WWOX: variants seen among roughly 807,000 people sequenced by gnomAD.
WWOX encodes the protein WW domain-containing oxidoreductase.
In WWOX, 69 loss-of-function variants were observed where a neutral mutation model predicts 46.2. The observed-to-expected ratio is 1.49, with a 90% CI of 1.23 to 1.82. The LOEUF (loss-of-function observed/expected upper bound fraction) is 1.82, where lower values mean the gene tolerates loss of function less well. Ranked by LOEUF, WWOX falls within the 40% of genes most tolerant of loss-of-function variation. The pLI, the probability that WWOX is intolerant of heterozygous loss-of-function variation, is 0.00. For synonymous variants in WWOX, 359 were observed against 202.6 expected (o/e 1.77, Z -6.56); for missense variants, 919 against 542.6 (o/e 1.69, Z -6.89).
rs530818380 is a variant in WWOX at position 78,361,313 on chromosome 16, G to C, written c.517-25547G>C. Among the ~76,000 whole-genome samples, 3 of 152,014 alleles carry C rather than the reference G, an allele frequency of 2.0e-5. No homozygotes were observed. In the East Asian group the frequency reaches 5.8e-4, roughly 29 times the overall value. Reference sequence around the variant, plus strand: ...CATAATGTTGATCTGTCTCATCCCTGGTAATGTTAACCTTGATCACTTGGT... The same window carrying C: ...CATAATGTTGATCTGTCTCATCCCTCGTAATGTTAACCTTGATCACTTGGT... On this transcript the variant is annotated intron_variant, in intron 5 of 8. Transcript: ENST00000566780.
intron 8 of WWOX, among the ~76,000 whole-genome samples, chr16:78,717,752 C>T (rs2048597577): frequency 6.6e-6 from 1 of 152,144 alleles, no homozygotes; most frequent in Non-Finnish European, 1.5e-5. Flanking sequence ...TCTGATGGAT[C>T]TAATCGAGGA....
chr16:78,281,212 G>T (rs2079672729), intron 5 of WWOX, among the ~76,000 whole-genome samples: 1 of 152,240 alleles, frequency 6.6e-6, no homozygotes, highest in Non-Finnish European at 1.5e-5. Context: ...CAGATCTCCA[G>T]AGATCTCACT....
intron 3 of WWOX, among the ~76,000 whole-genome samples, chr16:78,112,356 A>G (rs896929791): frequency 6.6e-6 from 1 of 152,164 alleles, no homozygotes; most frequent in African/African-American, 2.4e-5. Flanking sequence ...TTCACCTCCC[A>G]TGTTATCAGT....
At chr16:78,518,969 C>G (rs903700350) in intron 8 of WWOX, among the ~76,000 whole-genome samples, 1 of 152,172 alleles carries the variant, frequency 6.6e-6, no homozygotes, top group African/African-American at 2.4e-5. Context: ...AAAAAACTTG[C>G]TTGTTTACTG....
intron 8 of WWOX, chr16:78,551,045 A>T (rs919381960): frequency 6.6e-6 from 1 of 152,250 alleles, no homozygotes; most frequent in Non-Finnish European, 1.5e-5. Flanking sequence ...TCCATGAAAC[A>T]AGTATCGTGA....
chr16:78,148,896 TCA>T (rs1491292750), intron 4 of WWOX, among the ~76,000 whole-genome samples: 1 of 28,536 alleles, frequency 3.5e-5, no homozygotes, highest in African/African-American at 1.5e-4. Context: ...AGACTCCGTC[TCA>T]AAAAAAAAAA....
intron 8 of WWOX, among the ~76,000 whole-genome samples, chr16:78,636,463 A>C (rs1462404289): frequency 6.6e-6 from 1 of 152,192 alleles, no homozygotes; most frequent in Non-Finnish European, 1.5e-5. Context: ...AGCTCTTTTG[A>C]ATAAACTGAT....
chr16:78,120,363 G>C (rs1331620605), intron 4 of WWOX, among the ~76,000 whole-genome samples: 1 of 152,040 alleles, frequency 6.6e-6, no homozygotes, highest in Non-Finnish European at 1.5e-5. Flanking sequence ...GAGGTCAGGA[G>C]ATCGAGACCA....
intron 8 of WWOX, among the ~76,000 whole-genome samples, chr16:78,666,362 C>T (rs992357206): frequency 2.0e-5 from 3 of 152,146 alleles, no homozygotes; most frequent in Admixed American, 2.0e-4. Flanking sequence ...TAACCTGGCT[C>T]CTTACTGCCA....
chr16:78,172,690 G>A (rs1043719379), intron 5 of WWOX, among the ~76,000 whole-genome samples: 2 of 151,266 alleles, frequency 1.3e-5, no homozygotes, highest in African/African-American at 2.4e-5. Flanking sequence ...GTGATTAACT[G>A]CAGAGTTTTA....
chr16:78,596,630 T>G (rs1049396409), intron 8 of WWOX, among the ~76,000 whole-genome samples: 12 of 152,168 alleles, frequency 7.9e-5, no homozygotes, highest in African/African-American at 2.9e-4. Flanking sequence ...ACATGCTGAT[T>G]TCAAGGTCCA....
chr16:78,286,306 C>T (rs556816258), intron 5 of WWOX, among the ~76,000 whole-genome samples: 6 of 152,244 alleles, frequency 3.9e-5, no homozygotes, highest in Non-Finnish European at 7.3e-5. Flanking sequence ...GCCCAGTGGG[C>T]GAAAAATTTG....
intron 8 of WWOX, among the ~76,000 whole-genome samples, chr16:78,951,180 C>A (rs764426716): frequency 3.3e-5 from 5 of 152,200 alleles, no homozygotes; most frequent in Non-Finnish European, 7.3e-5. Flanking sequence ...TCTGGCGTGG[C>A]TGGATCTAAG....
At chr16:78,824,776 C>G (rs1228817801) in intron 8 of WWOX, among the ~76,000 whole-genome samples, 1 of 152,070 alleles carries the variant, frequency 6.6e-6, no homozygotes, top group Admixed American at 6.5e-5. Flanking sequence ...TGGGTCCCTC[C>G]CACAACATGT....
chr16:79,136,390 C>G (rs536096053), intron 8 of WWOX, among the ~76,000 whole-genome samples: 3 of 152,082 alleles, frequency 2.0e-5, no homozygotes, highest in East Asian at 3.9e-4. Context: ...ACCATCACAC[C>G]CAGCTAATTT....
intron 8 of WWOX, among the ~76,000 whole-genome samples, chr16:78,937,601 CTTTATTTATTTATTTA>C (rs10691593): frequency 2.2e-3 from 320 of 142,618 alleles, no homozygotes; most frequent in African/African-American, 7.9e-3. Flanking sequence ...AGCTATAGAG[CTTTATTTATTTATTTA>C]TTTATTTATT....
chr16:78,317,926 C>A (rs2080388481), intron 5 of WWOX, among the ~76,000 whole-genome samples: 1 of 152,210 alleles, frequency 6.6e-6, no homozygotes, highest in South Asian at 2.1e-4. Context: ...CATGCACTGG[C>A]TTTGCGAATT....
intron 8 of WWOX, among the ~76,000 whole-genome samples, chr16:78,604,553 G>T (rs998292114): frequency 6.6e-6 from 1 of 152,082 alleles, no homozygotes; most frequent in African/African-American, 2.4e-5. Context: ...TTTTTCATGA[G>T]CTACGTTGTA....
At chr16:78,239,191 C>T (rs2037543597) in intron 5 of WWOX, among the ~76,000 whole-genome samples, 1 of 152,224 alleles carries the variant, frequency 6.6e-6, no homozygotes, top group African/African-American at 2.4e-5. Flanking sequence ...TCTCCCACGG[C>T]TTCTCCCAGC....
Sources: gnomAD v4.1 joint callset for allele counts (sites outside exome capture counted in the v4.1 genomes callset) on GRCh38, gnomAD v4.1.1 for gene constraint, MANE v1.5 for transcripts, NCBI Gene and HGNC (gene_info 2026-07-23, HGNC 2026-07-21) for gene names.